SDF4: variants seen among roughly 807,000 people sequenced by gnomAD.
The protein encoded by SDF4 is 45 kDa calcium-binding protein.
In SDF4, 22 loss-of-function variants were observed where a neutral mutation model predicts 34.2. The ratio of observed to expected loss-of-function variants is 0.64; its 90% CI spans 0.46 to 0.92. SDF4 has a LOEUF of 0.92. Among genes scored for constraint, SDF4 ranks in the 40% least tolerant of loss-of-function variants. SDF4 has a pLI of 0.00. For missense variants in SDF4, 447 were observed against 499.9 expected (o/e 0.89, Z 1.01); for synonymous variants, 236 against 203.1 (o/e 1.16, Z -1.38).
chr1:1,217,273 G>C lies in SDF4; in HGVS notation c.*239C>G, dbSNP rs1419643027. 1 of 197,772 alleles carries C rather than the reference G, an allele frequency of 5.1e-6. No homozygotes were observed. Among genetic ancestry groups the C allele is most frequent in the Non-Finnish European group, 1.0e-5 (1 of 97,202 alleles). The allele number at this position is 197,772 out of a possible 1,614,324, so 12.3% of individuals were successfully genotyped here. A position where few individuals can be genotyped will look rare whatever the true frequency, so the allele number is the denominator to read the frequency against. On this transcript the variant is annotated 3_prime_UTR_variant, in exon 7 of 7. Transcript: ENST00000360001. The surrounding 1 kb of genome is among the most constrained non-coding windows in gnomAD (Gnocchi z 8.5). ...TGCCACGATTTCGAGGGACCAGGGA[G>C]GAGGCGGCGCCGCGGGGCCACAGCC...
At chr1:1,220,925 G>C (rs1003716449) in intron 4 of SDF4, 1 of 398,898 alleles carries the variant, frequency 2.5e-6, no homozygotes, top group South Asian at 2.0e-5. Flanking sequence ...TGTGTGGGGA[G>C]GAAAATGTAA....
In SDF4 at chr1:1,225,210, C is replaced by A. The variant is rs1259612299; in HGVS notation, c.306-1242G>T. On this transcript the variant is annotated intron_variant, in intron 2 of 6. Coordinates refer to ENST00000360001, the MANE Select transcript of SDF4 (RefSeq NM_016176.6). ...CTGAGCTCACCTGTTGGAAACTTAACCCCCAGGGCAACAGCACTGGGAGGC... is the reference window on the plus strand; with the variant it reads ...CTGAGCTCACCTGTTGGAAACTTAAACCCCAGGGCAACAGCACTGGGAGGC... 7.9e-5 allele frequency among the ~76,000 whole-genome samples: 12 copies of A among 152,220 alleles called. No homozygotes were observed. In the South Asian group the frequency reaches 1.0e-3, roughly 13 times the overall value.
chr1:1,218,266 T>G lies in SDF4; in HGVS notation c.891+192A>C, dbSNP rs1420132595. 6.6e-6 allele frequency among the ~76,000 whole-genome samples: 1 copy of G among 151,886 alleles called. No individual in the cohort carries two copies. The highest frequency in any genetic ancestry group is 2.0e-4 in the East Asian group (1 of 5,122). On this transcript the variant is annotated intron_variant, in intron 6 of 6. Transcript: ENST00000360001. This position sits in a 1 kb window ranked among gnomAD's most constrained non-coding sequence, Gnocchi z 7.9. ...GCCAGGCTCGCCTGTCTCTGATCCG[T>G]CTGAACCTAAACGCCAACAACGGCC...
At chr1:1,221,002 C>A (rs1649918553) in intron 4 of SDF4, 2 of 349,706 alleles carry the variant, frequency 5.7e-6, no homozygotes, top group Admixed American at 7.6e-5. Context: ...TGCCTGTAAT[C>A]CCGGCATGCT....
At position 1,229,277 on chromosome 1, in the gene SDF4, C is replaced by T. The variant is rs1331036859; in HGVS notation, c.-174-331G>A. ...GACCACAGCTCACCGTGACCACGAA[C>T]TCCTGGGCTCAGGTGATGCTCTGGG... On this transcript the variant is annotated intron_variant, in intron 1 of 6. Coordinates refer to ENST00000360001, the MANE Select transcript of SDF4 (RefSeq NM_016176.6). Among the ~76,000 whole-genome samples, 6 of 152,372 alleles carry T rather than the reference C, an allele frequency of 3.9e-5. No homozygotes were observed. The East Asian group carries it at 1.2e-3, about 29-fold the overall frequency.
At position 1,218,823 on chromosome 1, in the gene SDF4, C is replaced by G. The variant is rs769584000; in HGVS notation, c.661G>C (p.Glu221Gln). The G allele has an allele frequency of 1.2e-6, 2 of 1,605,356 alleles. No homozygotes were observed. The highest frequency in any genetic ancestry group is 2.7e-5 in the African/African-American group (2 of 74,744). The change falls in exon 5 of 7, where the codon GAG becomes CAG. Residue 221 changes from glutamate (E) to glutamine (Q), a missense_variant. Physicochemically the swap from Glu to Gln is conservative, Grantham distance 29. Transcript: ENST00000360001. This position sits in a 1 kb window ranked among gnomAD's most constrained non-coding sequence, Gnocchi z 7.9. ...EEEFLSFLHP[E>Q]HSRGMLRFMV... Reference sequence around the variant, plus strand: ...AACCTGAGCATTCCCCGGCTGTGCTCGGGGTGGAGGAACGACAGGAACTCC... The same window carrying G: ...AACCTGAGCATTCCCCGGCTGTGCTGGGGGTGGAGGAACGACAGGAACTCC...
chr1:1,221,735 C>T (rs1282745713), intron 4 of SDF4, among the ~76,000 whole-genome samples: 1 of 152,152 alleles, frequency 6.6e-6, no homozygotes, highest in Admixed American at 6.5e-5. Flanking sequence ...CTGCAGTAGG[C>T]GGATGACTTA....
intron 2 of SDF4, among the ~76,000 whole-genome samples, chr1:1,225,210 C>T (rs1259612299): frequency 6.6e-6 from 1 of 152,220 alleles, no homozygotes; most frequent in African/African-American, 2.4e-5. Flanking sequence ...GGAAACTTAA[C>T]CCCCAGGGCA....
rs1027444717 is a variant in SDF4 at position 1,217,285 on chromosome 1, G to A, written c.*227C>T. Reference sequence around the variant, plus strand: ...GAGGGACCAGGGAGGAGGCGGCGCCGCGGGGCCACAGCCCAGCCCCGCGCC... The same window carrying A: ...GAGGGACCAGGGAGGAGGCGGCGCCACGGGGCCACAGCCCAGCCCCGCGCC... On this transcript the variant is annotated 3_prime_UTR_variant, in exon 7 of 7. Coordinates refer to ENST00000360001, the MANE Select transcript of SDF4 (RefSeq NM_016176.6). The surrounding 1 kb of genome is among the most constrained non-coding windows in gnomAD (Gnocchi z 8.5). The A allele has an allele frequency of 3.8e-5, 8 of 208,722 alleles. No homozygotes were observed. The highest frequency in any genetic ancestry group is 1.2e-4 in the Admixed American group (2 of 16,654). 12.9% of individuals were successfully genotyped at this position (208,722 alleles called of 1,614,324 possible).
rs999510410 is a variant in SDF4, at chr1:1,218,381, A to T, written c.891+77T>A. On this transcript the variant is annotated intron_variant, in intron 6 of 6. Transcript: ENST00000360001. This position sits in a 1 kb window ranked among gnomAD's most constrained non-coding sequence, Gnocchi z 7.9. ...AGACACCAGCACAGCTTCCTGCCTC[A>T]GGCCCAGATCCACCAGCCCCTCCCG... 2.0e-6 allele frequency: 3 copies of T among 1,483,046 alleles called. No individual in the cohort carries two copies. In the African/African-American group the frequency reaches 4.1e-5, roughly 20 times the overall value. 91.9% of individuals were successfully genotyped at this position (1,483,046 alleles called of 1,614,324 possible). A position where few individuals can be genotyped will look rare whatever the true frequency, so the allele number is the denominator to read the frequency against.
intron 1 of SDF4, among the ~76,000 whole-genome samples, chr1:1,229,900 GCA>G (rs148801934): frequency 0.11 from 17,420 of 152,174 alleles, 1,140 homozygotes; most frequent in East Asian, 0.17. Context: ...ACACAGATGT[GCA>G]CACACACATC....
intron 4 of SDF4, chr1:1,221,152 A>C (rs1005548171): frequency 4.3e-6 from 1 of 230,886 alleles, no homozygotes. Flanking sequence ...TCCAGATAAG[A>C]GTACGTGAAC....
chr1:1,223,785 T>TTCCCCCCCCCCCCCCCCCCC, intron 3 of SDF4, 47 bp downstream of exon 3: 1 of 552,546 alleles, frequency 1.8e-6, no homozygotes, highest in South Asian at 2.1e-5. Flanking sequence ...CCCATGGCCC[T>TTCCCCCCCCCCCCCCCCCCC]GCCCGCCCCG....
intron 1 of SDF4, among the ~76,000 whole-genome samples, chr1:1,230,729 G>T (rs1180596511): frequency 1.3e-5 from 2 of 152,242 alleles, no homozygotes; most frequent in African/African-American, 4.8e-5. Context: ...AAAGTGCTGG[G>T]ACTATAGGCG....
intron 4 of SDF4, chr1:1,220,186 T>A: frequency 1.0e-6 from 1 of 990,964 alleles, no homozygotes; most frequent in Non-Finnish European, 1.2e-6. Context: ...TCCCAGTCCC[T>A]CCCCACGAGC....
chr1:1,219,366 G>C, intron 4 of SDF4: 2 of 1,060,936 alleles, frequency 1.9e-6, no homozygotes, highest in Non-Finnish European at 2.3e-6. Flanking sequence ...ACAGCTCAGA[G>C]CCCCTCATGC....
chr1:1,227,146 C>G (rs544241378), intron 2 of SDF4: 1 of 152,978 alleles, frequency 6.5e-6, no homozygotes, highest in East Asian at 1.9e-4. Context: ...CCGCCTGGCC[C>G]TCAGCCCAAG....
At chr1:1,226,612 A>G (rs1372481934) in intron 2 of SDF4, among the ~76,000 whole-genome samples, 1 of 149,780 alleles carries the variant, frequency 6.7e-6, no homozygotes, top group Non-Finnish European at 1.5e-5. Context: ...GCGAGAAGGG[A>G]CCCGCGTGTG....
In SDF4 at chr1:1,219,517, G is replaced by A. The variant is rs147065149; in HGVS notation, c.557-590C>T. The A allele has an allele frequency of 9.3e-3, 9,229 of 993,048 alleles. 59 individuals are homozygous for A. Among genetic ancestry groups the A allele is most frequent in the Non-Finnish European group, 9.9e-3 (8,282 of 833,960 alleles). 61.5% of individuals were successfully genotyped at this position (993,048 alleles called of 1,614,324 possible). ...CACTGCCCTTTTCCGTTTCCTTCAC[G>A]TGTGACGTCACAGGGAGGAAAACAC... On this transcript the variant is annotated intron_variant, in intron 4 of 6. Coordinates refer to ENST00000360001, the MANE Select transcript of SDF4 (RefSeq NM_016176.6).
Sources: gnomAD v4.1 joint callset for allele counts (sites outside exome capture counted in the v4.1 genomes callset) on GRCh38, gnomAD v4.1.1 for gene constraint, Gnocchi (gnomAD v3.1) non-coding constraint, MANE v1.5 for transcripts, NCBI Gene and HGNC (gene_info 2026-07-23, HGNC 2026-07-21) for gene names.